The following PID1 variants were observed in gnomAD, a reference collection of about 807,000 sequenced individuals.
The protein encoded by PID1 is PTB-containing, cubilin and LRP1-interacting protein.
In PID1, 10 loss-of-function variants were observed where a neutral mutation model predicts 19.1. The observed-to-expected ratio is 0.52, with a 90% confidence interval of 0.32 to 0.89. PID1 has a LOEUF of 0.89. Among genes scored for constraint, PID1 ranks in the 40% least tolerant of loss-of-function variants. The pLI is 0.03. For missense variants in PID1, 248 were observed against 285.3 expected, an observed-to-expected ratio of 0.87 and a Z score of 0.94; for synonymous variants, 130 against 116.0, an observed-to-expected ratio of 1.12 and a Z score of -0.78.
chr2:229,037,421 C>T (rs1251188120), intron 2 of PID1, among the ~76,000 whole-genome samples: 1 of 152,084 alleles, frequency 6.6e-6, no homozygotes, highest in Non-Finnish European at 1.5e-5. Context: ...TTTATTTCTG[C>T]CACTTGTATT....
intron 1 of PID1, among the ~76,000 whole-genome samples, chr2:229,193,241 G>A (rs1446591984): frequency 1.3e-5 from 2 of 152,158 alleles, no homozygotes; most frequent in African/African-American, 2.4e-5. Flanking sequence ...GCAGGGATGG[G>A]TTGAAGACTG....
intron 2 of PID1, among the ~76,000 whole-genome samples, chr2:229,039,749 A>G (rs149146660): frequency 7.9e-5 from 12 of 152,328 alleles, no homozygotes; most frequent in African/African-American, 2.4e-4. Context: ...TGTATGGCCC[A>G]TGTTCTGTTA....
chr2:229,241,579 T>G (rs1389732364), intron 1 of PID1, among the ~76,000 whole-genome samples: 1 of 152,136 alleles, frequency 6.6e-6, no homozygotes, highest in Non-Finnish European at 1.5e-5. Context: ...AATTCTTTCT[T>G]TATAATTCTG....
At chr2:229,199,912 A>C (rs530977285) in intron 1 of PID1, among the ~76,000 whole-genome samples, 19 of 152,086 alleles carry the variant, frequency 1.2e-4, no homozygotes, top group African/African-American at 4.6e-4. Context: ...AATAACAAAA[A>C]GTTTCTACAT....
At chr2:229,195,507 A>T (rs949086905) in intron 1 of PID1, among the ~76,000 whole-genome samples, 2 of 151,784 alleles carry the variant, frequency 1.3e-5, no homozygotes, top group African/African-American at 4.8e-5. Flanking sequence ...TTTTTCCTTA[A>T]ACACTAGGAT....
At chr2:229,246,137 C>T (rs893358769) in intron 1 of PID1, among the ~76,000 whole-genome samples, 3 of 152,098 alleles carry the variant, frequency 2.0e-5, no homozygotes, top group Admixed American at 6.6e-5. Flanking sequence ...GTTGGAAGAC[C>T]TCACCCACAG....
In PID1 at chr2:229,248,386, G is replaced by A. The variant is rs1435855192; in HGVS notation, c.30+22628C>T. 3.9e-5 allele frequency among the ~76,000 whole-genome samples: 6 copies of A among 152,206 alleles called. No homozygotes were observed. The East Asian group carries it at 7.7e-4, about 20-fold the overall frequency. On this transcript the variant is annotated intron_variant, in intron 1 of 2. Coordinates refer to ENST00000392055, the MANE Select transcript of PID1 (RefSeq NM_001100818.2). ...CAGTGCGTTGTATCAGGAGGCAGAC[G>A]ATCATGGTTTGCCTCATTATGGGTG...
intron 1 of PID1, among the ~76,000 whole-genome samples, chr2:229,202,195 T>C (rs1691512105): frequency 6.6e-6 from 1 of 152,032 alleles, no homozygotes; most frequent in Non-Finnish European, 1.5e-5. Context: ...AATTTGACCG[T>C]CTGGAAGTGT....
intron 2 of PID1, among the ~76,000 whole-genome samples, chr2:229,066,176 C>T (rs1014538980): frequency 3.3e-5 from 5 of 152,240 alleles, no homozygotes; most frequent in South Asian, 2.1e-4. Flanking sequence ...AGCCAGCATA[C>T]GGTAGAATCC....
intron 1 of PID1, among the ~76,000 whole-genome samples, chr2:229,244,261 T>C (rs1472071778): frequency 1.3e-5 from 2 of 152,166 alleles, no homozygotes; most frequent in African/African-American, 4.8e-5. Flanking sequence ...CCATACCCAG[T>C]AGCCTTTTTC....
chr2:229,141,547 A>G (rs1007464715), intron 2 of PID1, among the ~76,000 whole-genome samples: 32 of 152,092 alleles, frequency 2.1e-4, no homozygotes, highest in African/African-American at 7.7e-4. Context: ...TCTAACACTT[A>G]TTGCAGGCAT....
At chr2:229,099,445 T>G (rs747243590) in intron 2 of PID1, among the ~76,000 whole-genome samples, 2 of 152,130 alleles carry the variant, frequency 1.3e-5, no homozygotes, top group Admixed American at 1.3e-4. Flanking sequence ...ACCAACAGCT[T>G]AGCTTACTGC....
At position 229,107,386 on chromosome 2, in the gene PID1, T is replaced by C. The variant is rs537822775; in HGVS notation, c.177+48432A>G. The stretch of plus-strand genomic sequence containing the variant: ...CAAGGATATTCTACTCTTCACTCAA[T>C]GGGAATAGGAGACAATGAAATGGTT... On this transcript the variant is annotated intron_variant, in intron 2 of 2. Transcript: ENST00000392055. Among the ~76,000 whole-genome samples, 5 of 151,290 alleles carry C rather than the reference T, an allele frequency of 3.3e-5. No homozygotes were observed. In the Admixed American group the frequency reaches 3.3e-4, roughly 10 times the overall value.
At chr2:229,113,134 T>C (rs537172410) in intron 2 of PID1, among the ~76,000 whole-genome samples, 290 of 152,232 alleles carry the variant, frequency 1.9e-3, no homozygotes, top group Non-Finnish European at 3.7e-3. Flanking sequence ...AAATATCTAC[T>C]GCACAGCATG....
chr2:229,222,087 T>C (rs1691982326), intron 1 of PID1, among the ~76,000 whole-genome samples: 1 of 152,232 alleles, frequency 6.6e-6, no homozygotes, highest in African/African-American at 2.4e-5. Flanking sequence ...AATTTACTTA[T>C]AACATTTTCA....
intron 1 of PID1, among the ~76,000 whole-genome samples, chr2:229,227,110 ATTT>A (rs927254460): frequency 6.6e-6 from 1 of 152,220 alleles, no homozygotes; most frequent in Non-Finnish European, 1.5e-5. Context: ...TGATATTTTG[ATTT>A]TTTAATGAAA....
At chr2:229,148,243 T>C (rs1031412295) in intron 2 of PID1, among the ~76,000 whole-genome samples, 7 of 152,188 alleles carry the variant, frequency 4.6e-5, no homozygotes, top group Non-Finnish European at 1.0e-4. Flanking sequence ...GAATTCGAAG[T>C]TGTAAGTTTG....
chr2:229,250,521 G>A (rs1162284116), intron 1 of PID1, among the ~76,000 whole-genome samples: 6 of 152,180 alleles, frequency 3.9e-5, no homozygotes, highest in African/African-American at 1.4e-4. Context: ...ACAGCATCTG[G>A]GGATATCGCA....
intron 1 of PID1, among the ~76,000 whole-genome samples, chr2:229,211,563 C>G (rs1273896242): frequency 1.3e-5 from 2 of 152,118 alleles, no homozygotes; most frequent in Non-Finnish European, 2.9e-5. Context: ...GAAATGCTCT[C>G]CAGGATATTG....
Sources: gnomAD v4.1 joint callset for allele counts (sites outside exome capture counted in the v4.1 genomes callset) on GRCh38, gnomAD v4.1.1 for gene constraint, MANE v1.5 for transcripts, NCBI Gene and HGNC (gene_info 2026-07-23, HGNC 2026-07-21) for gene names.